The following IL1RAP variants were observed in gnomAD, a reference collection of about 807,000 sequenced individuals.
IL1RAP encodes interleukin 1 receptor accessory protein.
Under a neutral mutation model 60.7 loss-of-function variants are expected in IL1RAP, and 35 were observed. The observed-to-expected ratio is 0.58, with a 90% CI of 0.44 to 0.76. IL1RAP has a LOEUF of 0.76. IL1RAP is among the 30% of genes least tolerant of loss of function. The probability of loss-of-function intolerance (pLI) is 0.00; values close to 1 mark genes in which losing one functional copy is unlikely to be tolerated. For synonymous variants in IL1RAP, 268 were observed against 250.9 expected (o/e 1.07, Z -0.64); for missense variants, 572 against 693.9 (o/e 0.82, Z 1.97).
intron 5 of IL1RAP, among the ~76,000 whole-genome samples, chr3:190,613,930 G>C (rs539172520): frequency 6.6e-6 from 1 of 151,992 alleles, no homozygotes; most frequent in African/African-American, 2.4e-5. Flanking sequence ...TCTACCTTTG[G>C]GTAATCAACT....
intron 3 of IL1RAP, among the ~76,000 whole-genome samples, chr3:190,602,929 C>G (rs888739667): frequency 1.6e-4 from 24 of 152,308 alleles, no homozygotes; most frequent in Middle Eastern, 3.4e-3. Flanking sequence ...TCTGTTCACT[C>G]TTCATCTGGT....
intron 3 of IL1RAP, among the ~76,000 whole-genome samples, chr3:190,585,725 T>C (rs895674575): frequency 7.9e-5 from 12 of 151,902 alleles, no homozygotes; most frequent in African/African-American, 2.7e-4. Context: ...GGTAGGAGAA[T>C]TGCTTGAACC....
At position 190,554,110 on chromosome 3, in the gene IL1RAP, T is replaced by C. The variant is rs1487037052; in HGVS notation, c.-88-2020T>C. On this transcript the variant is annotated intron_variant, in intron 1 of 11. Coordinates refer to ENST00000447382, the MANE Select transcript of IL1RAP (RefSeq NM_002182.4). ...AAAAGAAATGAGAGGGAAAGAGATT[T>C]CTTGTTTTGCATCTCACTCACCCTT... Among the ~76,000 whole-genome samples, 6 of 150,514 alleles carry C rather than the reference T, an allele frequency of 4.0e-5. No homozygotes were observed. In the East Asian group the frequency reaches 1.2e-3, roughly 30 times the overall value.
intron 9 of IL1RAP, chr3:190,630,302 A>C (rs917158137): frequency 6.1e-6 from 4 of 658,812 alleles, no homozygotes; most frequent in Non-Finnish European, 7.5e-6. Context: ...TGTGTCTAAA[A>C]CTTTCTTTGT....
At position 190,551,862 on chromosome 3, in the gene IL1RAP, C is replaced by T. The variant is rs559369678; in HGVS notation, c.-88-4268C>T. On this transcript the variant is annotated intron_variant, in intron 1 of 11. Transcript: ENST00000447382. ...TGGTTATCTCTGTGGTTTACAATAA[C>T]TTAATATAACAAGCTTGTTATGATT... Among the ~76,000 whole-genome samples, 4 of 152,190 alleles carry T rather than the reference C, an allele frequency of 2.6e-5. No homozygotes were observed. In the South Asian group the frequency reaches 6.2e-4, roughly 24 times the overall value.
intron 1 of IL1RAP, among the ~76,000 whole-genome samples, chr3:190,542,843 G>C (rs182253153): frequency 6.6e-6 from 1 of 150,722 alleles, no homozygotes; most frequent in Non-Finnish European, 1.5e-5. Context: ...ATGGCCATTC[G>C]AGTTATCCAC....
intron 9 of IL1RAP, among the ~76,000 whole-genome samples, chr3:190,633,321 C>G (rs1228107159): frequency 1.3e-5 from 2 of 151,820 alleles, no homozygotes; most frequent in African/African-American, 4.8e-5. Context: ...AAATGTATGC[C>G]TAAATATTTT....
At chr3:190,629,242 C>T (rs1428067459) in intron 8 of IL1RAP, 108 bp from the exon 9 acceptor site, 1 of 715,126 alleles carries the variant, frequency 1.4e-6, no homozygotes, top group Non-Finnish European at 2.3e-6. Flanking sequence ...ACCTTCCTCG[C>T]CCTCACCTGT....
intron 3 of IL1RAP, among the ~76,000 whole-genome samples, chr3:190,573,224 T>G (rs1056545146): frequency 2.0e-5 from 3 of 152,162 alleles, no homozygotes; most frequent in Admixed American, 1.3e-4. Context: ...AAGCTTTGCA[T>G]GCCCCTCAGG....
chr3:190,552,392 A>G (rs1439917482), intron 1 of IL1RAP, among the ~76,000 whole-genome samples: 1 of 152,192 alleles, frequency 6.6e-6, no homozygotes, highest in East Asian at 1.9e-4. Context: ...AATTTTTGCA[A>G]GATTAATTTT....
intron 3 of IL1RAP, among the ~76,000 whole-genome samples, chr3:190,567,611 A>T (rs1726531462): frequency 6.6e-6 from 1 of 152,194 alleles, no homozygotes; most frequent in Non-Finnish European, 1.5e-5. Context: ...GTTGGGGTCT[A>T]TTAGAATATA....
chr3:190,522,130 A>G (rs561639437), intron 1 of IL1RAP, among the ~76,000 whole-genome samples: 1 of 152,230 alleles, frequency 6.6e-6, no homozygotes, highest in Non-Finnish European at 1.5e-5. Flanking sequence ...AGAGTGAGAC[A>G]GTGGTGGGGG....
intron 7 of IL1RAP, among the ~76,000 whole-genome samples, chr3:190,625,464 GA>G (rs960735298): frequency 2.6e-5 from 4 of 152,020 alleles, no homozygotes; most frequent in Non-Finnish European, 2.9e-5. Context: ...AGAGGCTGAT[GA>G]AAAAAATAAA....
intron 3 of IL1RAP, among the ~76,000 whole-genome samples, chr3:190,597,089 A>T (rs946419901): frequency 6.6e-6 from 1 of 152,204 alleles, no homozygotes; most frequent in East Asian, 1.9e-4. Context: ...TTACACACAT[A>T]TTCATTTGGT....
At chr3:190,521,273 G>A (rs535457281) in intron 1 of IL1RAP, among the ~76,000 whole-genome samples, 2 of 152,030 alleles carry the variant, frequency 1.3e-5, no homozygotes, top group African/African-American at 2.4e-5. Flanking sequence ...GCTTGTTATT[G>A]TATATGCAAA....
intron 1 of IL1RAP, among the ~76,000 whole-genome samples, chr3:190,522,340 T>TCCTTCCTC (rs1276559764): frequency 3.7e-4 from 48 of 130,270 alleles, no homozygotes; most frequent in Middle Eastern, 4.6e-3. Context: ...CTTCCTTCCT[T>TCCTTCCTC]CCTCCCTCCC....
At chr3:190,519,362 T>C (rs1412925722) in intron 1 of IL1RAP, among the ~76,000 whole-genome samples, 1 of 152,186 alleles carries the variant, frequency 6.6e-6, no homozygotes, top group East Asian at 1.9e-4. Context: ...ACATGTACTT[T>C]TGTCATTTCA....
chr3:190,524,589 C>A (rs930776579), intron 1 of IL1RAP, among the ~76,000 whole-genome samples: 4 of 152,106 alleles, frequency 2.6e-5, no homozygotes, highest in Non-Finnish European at 5.9e-5. Context: ...AATAGGAAAT[C>A]CTTTCCTCAT....
At chr3:190,596,023 A>G (rs1443050033) in intron 3 of IL1RAP, among the ~76,000 whole-genome samples, 2 of 152,222 alleles carry the variant, frequency 1.3e-5, no homozygotes, top group Admixed American at 6.5e-5. Flanking sequence ...CAGGGTGTAC[A>G]TGCAGAGACT....
Sources: allele counts gnomAD v4.1 joint callset (sites outside exome capture counted in the v4.1 genomes callset), GRCh38; gene constraint gnomAD v4.1.1; transcripts MANE v1.5; gene names NCBI Gene and HGNC (gene_info 2026-07-23, HGNC 2026-07-21).